Variants in AUTS2 observed in about 807,000 individuals in gnomAD.
AUTS2 encodes the protein autism susceptibility gene 2 protein.
AUTS2 carries 17 observed loss-of-function variants against 112.4 expected under a neutral mutation model. The observed-to-expected ratio is 0.15, with a 90% CI of 0.10 to 0.23. AUTS2 has a LOEUF of 0.23. Among genes scored for constraint, AUTS2 ranks in the 10% least tolerant of loss-of-function variants. The pLI, the probability that AUTS2 is intolerant of heterozygous loss-of-function variation, is 1.00. For synonymous variants in AUTS2, 751 were observed against 702.7 expected (o/e 1.07, Z -1.09); for missense variants, 1,510 against 1,701.6 (o/e 0.89, Z 1.98).
At chr7:70,685,220 C>G (rs1808407608) in intron 5 of AUTS2, among the ~76,000 whole-genome samples, 1 of 151,962 alleles carries the variant, frequency 6.6e-6, no homozygotes, top group Non-Finnish European at 1.5e-5. Context: ...CACCTGTAAC[C>G]CCAGCACTTT....
At chr7:70,117,470 C>T (rs1774039591) in intron 2 of AUTS2, among the ~76,000 whole-genome samples, 1 of 151,662 alleles carries the variant, frequency 6.6e-6, no homozygotes, top group South Asian at 2.1e-4. Context: ...TGTAATCTCA[C>T]TTTAGTTTAT....
intron 4 of AUTS2, among the ~76,000 whole-genome samples, chr7:70,182,713 G>A (rs373842354): frequency 1.5e-4 from 23 of 151,894 alleles, no homozygotes; most frequent in East Asian, 1.4e-3. Flanking sequence ...TTCTAAGCGG[G>A]ATCCTTACCA....
chr7:70,616,690 TTAAAG>T (rs1237188162), intron 5 of AUTS2, among the ~76,000 whole-genome samples: 1 of 151,942 alleles, frequency 6.6e-6, no homozygotes, highest in Non-Finnish European at 1.5e-5. Flanking sequence ...CAACGTATCT[TTAAAG>T]TAAGCCAATG....
At chr7:69,787,761 A>G (rs1278195971) in intron 1 of AUTS2, among the ~76,000 whole-genome samples, 1 of 152,114 alleles carries the variant, frequency 6.6e-6, no homozygotes, top group African/African-American at 2.4e-5. Context: ...TTTACTAGAG[A>G]TGGGGTTTCA....
intron 2 of AUTS2, among the ~76,000 whole-genome samples, chr7:69,951,562 A>G (rs1562990385): frequency 6.6e-6 from 1 of 152,194 alleles, no homozygotes; most frequent in East Asian, 1.9e-4. Context: ...TTGAGGACTC[A>G]GTAAATCCAC....
intron 5 of AUTS2, among the ~76,000 whole-genome samples, chr7:70,451,037 G>A (rs1018317923): frequency 2.6e-5 from 4 of 152,130 alleles, no homozygotes; most frequent in African/African-American, 9.7e-5. Context: ...GATGATGCAG[G>A]AGTGATCCCA....
chr7:69,653,922 C>A (rs1024100381), intron 1 of AUTS2, among the ~76,000 whole-genome samples: 7 of 152,142 alleles, frequency 4.6e-5, no homozygotes, highest in African/African-American at 1.7e-4. Flanking sequence ...ACTTAGTATC[C>A]ATTTCTGCTG....
At chr7:69,681,649 C>A (rs1796803302) in intron 1 of AUTS2, among the ~76,000 whole-genome samples, 1 of 152,192 alleles carries the variant, frequency 6.6e-6, no homozygotes. Context: ...CTGTTCCCTG[C>A]CATTGTCATC....
intron 2 of AUTS2, among the ~76,000 whole-genome samples, chr7:70,064,907 A>G (rs2129561409): frequency 6.6e-6 from 1 of 152,322 alleles, no homozygotes; most frequent in Admixed American, 6.5e-5. Flanking sequence ...TCTGTGGGTT[A>G]CATGTCTTTC....
At chr7:69,785,547 C>T (rs1243948448) in intron 1 of AUTS2, among the ~76,000 whole-genome samples, 2 of 152,254 alleles carry the variant, frequency 1.3e-5, no homozygotes, top group African/African-American at 4.8e-5. Context: ...AGAATCCCTT[C>T]TGCGGAGCAG....
Position 69,599,525 on chromosome 7 carries a change from C to T in AUTS2, c.-129C>T, listed in dbSNP as rs1034658668. ...CTCTCCCTTCTTTCGGCCGCCGTCT[C>T]CCCCGCGCCCTCCTCGGGGCGGAGG... On this transcript the variant is annotated 5_prime_UTR_variant, in exon 1 of 19. Transcript: ENST00000342771. The surrounding 1 kb of genome is among the most constrained non-coding windows in gnomAD (Gnocchi z 7.0). 3 of 873,054 alleles carry T rather than the reference C, an allele frequency of 3.4e-6. No homozygotes were observed. The highest frequency in any genetic ancestry group is 3.5e-5 in the African/African-American group (2 of 56,866). The allele number at this position is 873,054 out of a possible 1,614,324, so 54.1% of individuals were successfully genotyped here.
At chr7:70,111,908 T>C (rs1805106551) in intron 2 of AUTS2, among the ~76,000 whole-genome samples, 1 of 152,100 alleles carries the variant, frequency 6.6e-6, no homozygotes, top group Admixed American at 6.5e-5. Flanking sequence ...GTATCTCATA[T>C]CTTTATGGGT....
chr7:70,211,522 G>C (rs1250925585), intron 4 of AUTS2, among the ~76,000 whole-genome samples: 1 of 151,366 alleles, frequency 6.6e-6, no homozygotes, highest in African/African-American at 2.4e-5. Flanking sequence ...GGTGGTGGGC[G>C]CCTGTAGTCC....
At chr7:69,726,151 C>A (rs566158315) in intron 1 of AUTS2, among the ~76,000 whole-genome samples, 196 of 152,240 alleles carry the variant, frequency 1.3e-3, no homozygotes, top group African/African-American at 4.6e-3. Context: ...AAGTTATAGA[C>A]CATAGTCAGA....
intron 1 of AUTS2, among the ~76,000 whole-genome samples, chr7:69,803,147 G>C (rs890520446): frequency 6.6e-6 from 1 of 152,188 alleles, no homozygotes; most frequent in South Asian, 2.1e-4. Flanking sequence ...TCAGTTTGGG[G>C]TCTCAGCAGA....
intron 6 of AUTS2, among the ~76,000 whole-genome samples, chr7:70,748,634 G>C (rs922176154): frequency 1.3e-5 from 2 of 152,188 alleles, no homozygotes; most frequent in Non-Finnish European, 2.9e-5. Flanking sequence ...AAAAGACCGC[G>C]TTCTGGAAAA....
chr7:70,522,191 T>G (rs1799671535), intron 5 of AUTS2, among the ~76,000 whole-genome samples: 1 of 152,202 alleles, frequency 6.6e-6, no homozygotes, highest in Admixed American at 6.5e-5. Context: ...CCTGGTTCCA[T>G]AAAAGTTTTA....
intron 4 of AUTS2, among the ~76,000 whole-genome samples, chr7:70,327,106 C>T (rs1041145462): frequency 1.2e-4 from 19 of 152,014 alleles, no homozygotes; most frequent in Middle Eastern, 3.4e-3. Context: ...TTAGTAGAGA[C>T]AGCATTTTGC....
chr7:69,941,160 G>C (rs1026533188), intron 2 of AUTS2, among the ~76,000 whole-genome samples: 1 of 152,134 alleles, frequency 6.6e-6, no homozygotes, highest in African/African-American at 2.4e-5. Flanking sequence ...CGACCCTCTC[G>C]ATGTGGTACC....
Sources: allele counts gnomAD v4.1 joint callset (sites outside exome capture counted in the v4.1 genomes callset), GRCh38; gene constraint gnomAD v4.1.1; non-coding constraint Gnocchi (gnomAD v3.1); transcripts MANE v1.5; gene names NCBI Gene and HGNC (gene_info 2026-07-23, HGNC 2026-07-21).